SNTB1: variants seen among roughly 807,000 people sequenced by gnomAD.
SNTB1 encodes the protein beta-1-syntrophin.
SNTB1 carries 36 observed loss-of-function variants against 48.9 expected under a neutral mutation model. The observed-to-expected ratio is 0.74, with a 90% confidence interval of 0.56 to 0.97. SNTB1 has a LOEUF of 0.97. SNTB1 is among the 50% of genes least tolerant of loss of function. SNTB1 has a pLI of 0.00. For synonymous variants in SNTB1, 299 were observed against 294.6 expected, an observed-to-expected ratio of 1.01 and a Z score of -0.15; for missense variants, 786 against 703.4, an observed-to-expected ratio of 1.12 and a Z score of -1.33.
At chr8:120,787,160 G>A (rs190519455) in intron 1 of SNTB1, among the ~76,000 whole-genome samples, 1 of 151,864 alleles carries the variant, frequency 6.6e-6, no homozygotes, top group Admixed American at 6.6e-5. Context: ...CTGAAGCTAG[G>A]TGACAATAAC....
intron 1 of SNTB1, among the ~76,000 whole-genome samples, chr8:120,750,167 C>G (rs1196433701): frequency 7.0e-6 from 1 of 142,538 alleles, no homozygotes; most frequent in African/African-American, 2.5e-5. Context: ...TCCCTCCCTT[C>G]CTTCCTTCAT....
intron 1 of SNTB1, among the ~76,000 whole-genome samples, chr8:120,725,116 T>C (rs1488922230): frequency 1.3e-5 from 2 of 152,094 alleles, no homozygotes; most frequent in Admixed American, 1.3e-4. Context: ...TGGCCAAGTA[T>C]GGAGGAATTA....
At chr8:120,696,935 G>A (rs914981227) in intron 1 of SNTB1, among the ~76,000 whole-genome samples, 3 of 152,200 alleles carry the variant, frequency 2.0e-5, no homozygotes, top group African/African-American at 7.2e-5. Flanking sequence ...GTGGTGATCT[G>A]TGAGTGAGAG....
intron 2 of SNTB1, among the ~76,000 whole-genome samples, chr8:120,639,693 G>A (rs1474874952): frequency 1.3e-5 from 2 of 152,094 alleles, no homozygotes; most frequent in African/African-American, 4.8e-5. Flanking sequence ...GGTTGTAGAT[G>A]TGTGGTATTA....
chr8:120,577,633 T>G (rs986035658), intron 3 of SNTB1, among the ~76,000 whole-genome samples: 2 of 152,242 alleles, frequency 1.3e-5, no homozygotes, highest in Non-Finnish European at 2.9e-5. Flanking sequence ...CCTAGTCAGA[T>G]GCAATCCATT....
At chr8:120,561,324 AAAAAAAAAAAAAAAAAG>A (rs1170837180) in intron 4 of SNTB1, among the ~76,000 whole-genome samples, 6 of 88,950 alleles carry the variant, frequency 6.7e-5, no homozygotes, top group East Asian at 2.4e-4. Context: ...CATCTCAAAA[AAAAAAAAAAAAAAAAAG>A]AAAAAAAGAA....
chr8:120,635,653 CT>C (rs1236514159), intron 2 of SNTB1: 1 of 176,654 alleles, frequency 5.7e-6, no homozygotes, highest in Non-Finnish European at 1.4e-5. Context: ...ATCTTCATTT[CT>C]GATTCTGGTT....
At chr8:120,694,587 CTT>C (rs1395702978) in intron 1 of SNTB1, among the ~76,000 whole-genome samples, 15 of 151,034 alleles carry the variant, frequency 9.9e-5, no homozygotes, top group African/African-American at 3.2e-4. Flanking sequence ...ATATATATCT[CTT>C]TCTCTCTCTC....
chr8:120,744,717 TA>T (rs1385501125), intron 1 of SNTB1, among the ~76,000 whole-genome samples: 2 of 152,212 alleles, frequency 1.3e-5, no homozygotes, highest in Non-Finnish European at 2.9e-5. Flanking sequence ...TTCAGACTCC[TA>T]AAACCAAAAC....
intron 1 of SNTB1, among the ~76,000 whole-genome samples, chr8:120,719,006 G>A (rs1818609134): frequency 6.6e-6 from 1 of 152,198 alleles, no homozygotes; most frequent in South Asian, 2.1e-4. Context: ...TATCTCAGAA[G>A]CAAACAGCAA....
At chr8:120,724,363 C>T (rs1053092634) in intron 1 of SNTB1, among the ~76,000 whole-genome samples, 1 of 152,214 alleles carries the variant, frequency 6.6e-6, no homozygotes, top group African/African-American at 2.4e-5. Context: ...CATCTTGTGT[C>T]ACCTGCCAGG....
intron 3 of SNTB1, among the ~76,000 whole-genome samples, chr8:120,621,947 G>T (rs1019935560): frequency 6.6e-6 from 1 of 152,180 alleles, no homozygotes; most frequent in Admixed American, 6.5e-5. Flanking sequence ...ATGTGTTGCA[G>T]TGTCTACTGC....
At position 120,537,852 on chromosome 8, in the gene SNTB1, C is replaced by G. The variant is rs1815224519; in HGVS notation, c.*1025G>C. The G allele has an allele frequency of 6.6e-6, 1 of 152,170 alleles. No homozygotes were observed. The highest frequency in any genetic ancestry group is 2.4e-5 in the African/African-American group (1 of 41,430). 9.4% of individuals were successfully genotyped at this position (152,170 alleles called of 1,614,324 possible). A position where few individuals can be genotyped will look rare whatever the true frequency, so the allele number is the denominator to read the frequency against. ...AATAGATTTGATTATAGCATTCAGT[C>G]TATATGTAAAACCCAGCATTATCCA... On this transcript the variant is annotated 3_prime_UTR_variant, in exon 7 of 7. Transcript: ENST00000517992.
At chr8:120,747,396 C>T (rs547137956) in intron 1 of SNTB1, among the ~76,000 whole-genome samples, 8 of 152,290 alleles carry the variant, frequency 5.3e-5, no homozygotes, top group African/African-American at 1.4e-4. Context: ...GTTCAAGCGA[C>T]TCTCATACCT....
intron 3 of SNTB1, among the ~76,000 whole-genome samples, chr8:120,588,455 A>G (rs1031408414): frequency 1.1e-4 from 16 of 152,006 alleles, no homozygotes; most frequent in African/African-American, 3.6e-4. Context: ...CCAAGGACCA[A>G]GTGAGAAACA....
intron 2 of SNTB1, among the ~76,000 whole-genome samples, chr8:120,685,669 G>T (rs1028371441): frequency 2.0e-5 from 3 of 152,064 alleles, no homozygotes; most frequent in African/African-American, 7.2e-5. Context: ...TTTATCAAAG[G>T]TTACACTCTT....
intron 1 of SNTB1, among the ~76,000 whole-genome samples, chr8:120,750,913 C>G (rs1819202753): frequency 6.6e-6 from 1 of 152,030 alleles, no homozygotes; most frequent in Non-Finnish European, 1.5e-5. Context: ...CAAGCTACCC[C>G]CCATCTGGAT....
intron 4 of SNTB1, among the ~76,000 whole-genome samples, chr8:120,565,306 T>G (rs1005013248): frequency 6.6e-6 from 1 of 152,220 alleles, no homozygotes; most frequent in African/African-American, 2.4e-5. Flanking sequence ...AGCACTATTC[T>G]AAGCAGTTTA....
intron 2 of SNTB1, among the ~76,000 whole-genome samples, chr8:120,662,293 A>G (rs1401248101): frequency 2.0e-5 from 3 of 152,224 alleles, no homozygotes. Flanking sequence ...TGTTCAACTC[A>G]AGTTTTAAAA....
Sources: allele counts gnomAD v4.1 joint callset (sites outside exome capture counted in the v4.1 genomes callset), GRCh38; gene constraint gnomAD v4.1.1; transcripts MANE v1.5; gene names NCBI Gene and HGNC (gene_info 2026-07-23, HGNC 2026-07-21).